The following CRTAC1 variants were observed in gnomAD, a reference collection of about 807,000 sequenced individuals.
CRTAC1 encodes the protein cartilage acidic protein 1, also known as acidic secreted protein in cartilage.
A neutral mutation model predicts 67.8 loss-of-function variants in CRTAC1; 37 were observed. The observed-to-expected ratio is 0.55, with a 90% confidence interval of 0.42 to 0.72. The LOEUF is 0.72. Ranked by LOEUF, CRTAC1 falls within the 30% of genes least tolerant of loss-of-function variation. The pLI is 0.00. For missense variants in CRTAC1, 780 were observed against 931.6 expected (o/e 0.84, Z 2.12); for synonymous variants, 348 against 371.0 (o/e 0.94, Z 0.71).
rs2136556676 is a variant in CRTAC1 at position 97,895,318 on chromosome 10, C to T, written c.1413G>A (p.Gly471=). 6.2e-7 allele frequency: 1 copy of T among 1,613,908 alleles called. No homozygotes were observed. Among genetic ancestry groups the T allele is most frequent in the Non-Finnish European group, 8.5e-7 (1 of 1,179,990 alleles). The change falls in exon 11 of 15, where the codon GGG becomes GGA. Residue 471 remains glycine (G), a synonymous_variant. Transcript: ENST00000370597. The surrounding 1 kb of genome is among the most constrained non-coding windows in gnomAD (Gnocchi z 4.2). ...AKVVLYTKKS[G]AHLRIIDGGS... ...CCCCGTCGATGATCCTCAGGTGGGC[C>T]CCACTCTTCTTGGTGTAGAGCACGA...
At chr10:97,896,259 G>A (rs140750790) in intron 9 of CRTAC1, among the ~76,000 whole-genome samples, 1 of 152,204 alleles carries the variant, frequency 6.6e-6, no homozygotes, top group African/African-American at 2.4e-5. Context: ...CTTCTTTCTG[G>A]TCTTTCTATT....
At chr10:97,888,736 C>A (rs987646123) in intron 11 of CRTAC1, among the ~76,000 whole-genome samples, 1 of 152,090 alleles carries the variant, frequency 6.6e-6, no homozygotes, top group African/African-American at 2.4e-5. Flanking sequence ...CGCACACCAG[C>A]AGCCTCGAAG....
chr10:97,914,024 A>G lies in CRTAC1; in HGVS notation c.715+3476T>C, dbSNP rs150371732. Among the ~76,000 whole-genome samples, 326 of 152,248 alleles carry G rather than the reference A, an allele frequency of 2.1e-3. 4 individuals carry two copies. Among genetic ancestry groups the G allele is most frequent in the African/African-American group, 7.5e-3 (313 of 41,528 alleles). ...AAATCCACCTTCATTTTCTTTCCGA[A>G]TTTCTTTTAAGGCTTCTTTAATCAC... On this transcript the variant is annotated intron_variant, in intron 5 of 14. Coordinates refer to ENST00000370597, the MANE Select transcript of CRTAC1 (RefSeq NM_018058.7).
intron 4 of CRTAC1, among the ~76,000 whole-genome samples, chr10:97,919,025 T>C (rs1191377870): frequency 5.0e-5 from 3 of 60,314 alleles, no homozygotes. Context: ...CCTCAAGTGA[T>C]CCACCACCCC....
intron 2 of CRTAC1, among the ~76,000 whole-genome samples, chr10:98,009,416 G>A (rs1415622356): frequency 6.6e-6 from 1 of 152,116 alleles, no homozygotes; most frequent in African/African-American, 2.4e-5. Context: ...TCTTTGCAGT[G>A]TAGAAGAAAT....
intron 2 of CRTAC1, among the ~76,000 whole-genome samples, chr10:98,007,976 A>G (rs1842825349): frequency 6.6e-6 from 1 of 152,212 alleles, no homozygotes; most frequent in Admixed American, 6.5e-5. Context: ...CCTGCACATC[A>G]AAGGACTGGC....
At chr10:97,925,995 G>A (rs2050911001) in intron 3 of CRTAC1, among the ~76,000 whole-genome samples, 1 of 152,158 alleles carries the variant, frequency 6.6e-6, no homozygotes, top group Non-Finnish European at 1.5e-5. Flanking sequence ...GTGAGGTCTG[G>A]AGTTGGCCTC....
intron 14 of CRTAC1, chr10:97,866,455 A>T (rs1007307899): frequency 6.6e-6 from 1 of 152,240 alleles, no homozygotes; most frequent in African/African-American, 2.4e-5. Context: ...AGACATAGCC[A>T]TGCGGGGCCT....
chr10:97,997,497 A>T (rs1263306028), intron 2 of CRTAC1, among the ~76,000 whole-genome samples: 2 of 150,786 alleles, frequency 1.3e-5, no homozygotes, highest in Non-Finnish European at 3.0e-5. Flanking sequence ...TTAGGCCCAC[A>T]GAACTCCTAC....
chr10:97,940,867 A>G (rs939118160), intron 2 of CRTAC1, among the ~76,000 whole-genome samples: 1 of 152,190 alleles, frequency 6.6e-6, no homozygotes, highest in Non-Finnish European at 1.5e-5. Context: ...ATTTAGAAAA[A>G]CAACAAACCC....
At chr10:97,907,418 G>C (rs1286995299) in intron 6 of CRTAC1, among the ~76,000 whole-genome samples, 1 of 151,730 alleles carries the variant, frequency 6.6e-6, no homozygotes, top group African/African-American at 2.4e-5. Context: ...GTGGGTGGGG[G>C]ATGAGTGCAG....
chr10:97,936,636 G>C (rs2051094197), intron 2 of CRTAC1, among the ~76,000 whole-genome samples: 1 of 152,224 alleles, frequency 6.6e-6, no homozygotes, highest in African/African-American at 2.4e-5. Flanking sequence ...GAGGGGAGTG[G>C]GAGCCATGGA....
At chr10:97,957,149 TG>T (rs945807765) in intron 2 of CRTAC1, among the ~76,000 whole-genome samples, 1 of 151,902 alleles carries the variant, frequency 6.6e-6, no homozygotes, top group African/African-American at 2.4e-5. Context: ...GACCTCTCTT[TG>T]GGGAGGAGTG....
Position 97,880,342 on chromosome 10 carries a change from C to T in CRTAC1, c.1726G>A (p.Val576Ile), listed in dbSNP as rs142752559. 28 of 1,614,158 alleles carry T rather than the reference C, an allele frequency of 1.7e-5. No individual in the cohort carries two copies. Among genetic ancestry groups the T allele is most frequent in the South Asian group, 7.7e-5 (7 of 91,080 alleles). The change falls in exon 14 of 15, where the codon GTA (valine) becomes ATA (isoleucine). Residue 576 changes from valine to isoleucine, a missense_variant. Physicochemically the swap from Val to Ile is conservative, Grantham distance 29 (BLOSUM62 3). Transcript: ENST00000370597. ...FPFVCPRDKP[V>I]CVNTYGSYRC... Reference sequence around the variant, plus strand: ...TAGCTTCCATAGGTGTTGACACATACGGGCTTGTCTCGAGGGCACACGAAT... The same window carrying T: ...TAGCTTCCATAGGTGTTGACACATATGGGCTTGTCTCGAGGGCACACGAAT...
chr10:97,934,556 G>A (rs2051052438), intron 3 of CRTAC1, among the ~76,000 whole-genome samples: 1 of 152,194 alleles, frequency 6.6e-6, no homozygotes, highest in Non-Finnish European at 1.5e-5. Flanking sequence ...CAGTCTAGGG[G>A]CTGGATCCTG....
At chr10:97,888,808 A>G (rs2050323444) in intron 11 of CRTAC1, among the ~76,000 whole-genome samples, 1 of 152,118 alleles carries the variant, frequency 6.6e-6, no homozygotes, top group Admixed American at 6.5e-5. Flanking sequence ...CCCCCCATTA[A>G]CCAGCAGAGA....
At chr10:97,949,859 A>G (rs1341962251) in intron 2 of CRTAC1, among the ~76,000 whole-genome samples, 1 of 152,244 alleles carries the variant, frequency 6.6e-6, no homozygotes, top group Non-Finnish European at 1.5e-5. Context: ...TTAGGATAAT[A>G]TCTATAAAGC....
At chr10:97,882,856 G>C in intron 12 of CRTAC1, 28 bp from the exon 13 acceptor site, 1 of 1,613,298 alleles carries the variant, frequency 6.2e-7, no homozygotes, top group Non-Finnish European at 8.5e-7. Flanking sequence ...GCAGAGACAT[G>C]AGTGAGTTGA....
At chr10:98,019,986 C>A (rs1843083091) in intron 1 of CRTAC1, among the ~76,000 whole-genome samples, 2 of 152,244 alleles carry the variant, frequency 1.3e-5, no homozygotes, top group Non-Finnish European at 2.9e-5. Context: ...ATCTCTGCTG[C>A]CTCTTCATTC....
Sources: allele counts gnomAD v4.1 joint callset (sites outside exome capture counted in the v4.1 genomes callset), GRCh38; gene constraint gnomAD v4.1.1; non-coding constraint Gnocchi (gnomAD v3.1); transcripts MANE v1.5; gene names NCBI Gene and HGNC (gene_info 2026-07-23, HGNC 2026-07-21).